The following FBXW2 variants were observed in gnomAD, a reference collection of about 807,000 sequenced individuals.
The protein encoded by FBXW2 is F-box/WD repeat-containing protein 2.
Under a neutral mutation model 46.0 loss-of-function variants are expected in FBXW2, and 12 were observed. That is an observed-to-expected ratio of 0.26 (90% CI 0.17 to 0.42). The LOEUF is 0.42. Among genes scored for constraint, FBXW2 ranks in the 10% least tolerant of loss-of-function variants. The pLI is 1.00. For missense variants in FBXW2, 360 were observed against 537.0 expected (o/e 0.67, Z 3.26); for synonymous variants, 203 against 209.6 (o/e 0.97, Z 0.27).
intron 5 of FBXW2, 98 bp downstream of exon 5, chr9:120,775,995 T>G: frequency 6.9e-7 from 1 of 1,447,284 alleles, no homozygotes; most frequent in Non-Finnish European, 9.4e-7. Flanking sequence ...CAATTCCATC[T>G]TATGACTCAC....
At position 120,778,823 on chromosome 9, in the gene FBXW2, T is replaced by C. The variant is rs540141449; in HGVS notation, c.491-278A>G. ...AGGTCATTAGACTAAAAGCATCCCT[T>C]GGTGCTTCCACTTGAAAAATTTCAT... is the stretch of plus-strand genomic sequence containing the variant. On this transcript the variant is annotated intron_variant, in intron 3 of 7. Transcript: ENST00000608872. 1.0e-3 allele frequency among the ~76,000 whole-genome samples: 154 copies of C among 152,318 alleles called. 2 individuals carry two copies. Among genetic ancestry groups the C allele is most frequent in the Non-Finnish European group, 1.9e-3 (131 of 68,020 alleles).
rs1353021737 is a variant in FBXW2, at chr9:120,764,257, A to G, written c.*302T>C. ...ATGGATCATTTAACTTTCTTTACTT[A>G]AAACCAATACTCCACTCAAGAAAGA... On this transcript the variant is annotated 3_prime_UTR_variant, in exon 8 of 8. Transcript: ENST00000608872. The G allele has an allele frequency of 2.4e-6, 1 of 409,364 alleles. No individual in the cohort carries two copies. Among genetic ancestry groups the G allele is most frequent in the African/African-American group, 2.0e-5 (1 of 49,512 alleles). 25.4% of individuals were successfully genotyped at this position (409,364 alleles called of 1,614,324 possible).
intron 7 of FBXW2, among the ~76,000 whole-genome samples, chr9:120,768,409 TCTG>T (rs2044312673): frequency 6.6e-6 from 1 of 152,236 alleles, no homozygotes; most frequent in South Asian, 2.1e-4. Context: ...GGTAAGTACT[TCTG>T]CTGTTTCCCA....
At chr9:120,776,044 C>G in intron 5 of FBXW2, 49 bp downstream of exon 5, 1 of 1,605,852 alleles carries the variant, frequency 6.2e-7, no homozygotes, top group Non-Finnish European at 8.5e-7. Flanking sequence ...CCTCCACGCC[C>G]TCCCTCAAAA....
Position 120,778,362 on chromosome 9 carries a change from T to A in FBXW2, c.674A>T (p.His225Leu). ...SGARTQHFRG[H>L]TGAVFSVDYN... ...AAAGGGCAACCCACCCGCCCCCGTG[T>A]GCCCCCGAAAGTGCTGGGTCCTGGC... The change falls in exon 4 of 8, where the codon CAC becomes CTC. Residue 225 changes from histidine (H) to leucine (L), a missense_variant. Physicochemically the swap from His to Leu is moderately conservative, Grantham distance 99. Transcript: ENST00000608872. The A allele has an allele frequency of 6.2e-7, 1 of 1,612,814 alleles. No individual in the cohort carries two copies. Among genetic ancestry groups the A allele is most frequent in the Non-Finnish European group, 8.5e-7 (1 of 1,179,812 alleles).
At chr9:120,764,925 T>TA in intron 7 of FBXW2, 78 bp from the exon 8 acceptor site, 1 of 1,170,618 alleles carries the variant, frequency 8.5e-7, no homozygotes, top group Non-Finnish European at 1.2e-6. Context: ...TTTCTGGAGA[T>TA]ATTTAAAACC....
rs181923382 is a variant in FBXW2, at chr9:120,757,014, T to A, written c.*7545A>T. 6.6e-6 allele frequency: 1 copy of A among 152,360 alleles called. No homozygotes were observed. Among genetic ancestry groups the A allele is most frequent in the East Asian group, 1.9e-4 (1 of 5,190 alleles). 9.4% of individuals were successfully genotyped at this position (152,360 alleles called of 1,614,324 possible). A position where few individuals can be genotyped will look rare whatever the true frequency, so the allele number is the denominator to read the frequency against. On this transcript the variant is annotated 3_prime_UTR_variant, in exon 8 of 8. Transcript: ENST00000608872. ...ATTTCTAAATCAGTGATAATTAGAT[T>A]AGTGAAATTTTATTTATAGCCATAA... is the stretch of plus-strand genomic sequence containing the variant.
intron 7 of FBXW2, among the ~76,000 whole-genome samples, chr9:120,765,254 C>G (rs1050961063): frequency 8.5e-5 from 13 of 152,088 alleles, no homozygotes; most frequent in African/African-American, 2.9e-4. Context: ...GCCACTGCAC[C>G]TGGCTAATTT....
chr9:120,770,959 T>G (rs1196057649), intron 7 of FBXW2, among the ~76,000 whole-genome samples: 1 of 152,232 alleles, frequency 6.6e-6, no homozygotes, highest in Non-Finnish European at 1.5e-5. Flanking sequence ...TAGATACCAC[T>G]AAAGTTTACC....
rs1399542004 is a variant in FBXW2, at chr9:120,778,618, GGT to G, written c.491-75_491-74del. 183 of 1,324,422 alleles carry G rather than the reference GGT, an allele frequency of 1.4e-4. 2 individuals carry two copies. The Middle Eastern group carries it at 1.9e-3, about 14-fold the overall frequency. 82.0% of individuals were successfully genotyped at this position (1,324,422 alleles called of 1,614,324 possible). A position where few individuals can be genotyped will look rare whatever the true frequency, so the allele number is the denominator to read the frequency against. The stretch of plus-strand genomic sequence containing the variant: ...GAAGGAAAATCAATCCCAAAATCAT[GGT>G]GTTCTTCAAGAACATTAACGGTCCC... On this transcript the variant is annotated intron_variant, in intron 3 of 7. Transcript: ENST00000608872.
rs16910130 is a variant in FBXW2 at position 120,770,451 on chromosome 9, C to T, written c.1076+897G>A. Among the ~76,000 whole-genome samples the T allele has an allele frequency of 7.8e-3, 1,179 of 151,500 alleles. 19 individuals are homozygous for T. Among genetic ancestry groups the T allele is most frequent in the African/African-American group, 0.027 (1,117 of 41,284 alleles). ...CCAAGTCCTGAACCATGCTATGGGA[C>T]GCTAACTTTTTGAGTTGTTATTAAT... On this transcript the variant is annotated intron_variant, in intron 7 of 7. Coordinates refer to ENST00000608872, the MANE Select transcript of FBXW2 (RefSeq NM_012164.4).
intron 2 of FBXW2, chr9:120,792,387 A>C (rs2044864796): frequency 6.6e-6 from 1 of 152,344 alleles, no homozygotes; most frequent in East Asian, 1.9e-4. Flanking sequence ...AAATGTATAC[A>C]CACCTATAAA....
intron 7 of FBXW2, among the ~76,000 whole-genome samples, chr9:120,765,152 G>A (rs186852762): frequency 9.9e-5 from 15 of 151,484 alleles, no homozygotes; most frequent in African/African-American, 3.4e-4. Flanking sequence ...TGGAGTACAG[G>A]GGCGTGATCT....
chr9:120,772,060 G>GAACA (rs2044387537), intron 6 of FBXW2, among the ~76,000 whole-genome samples: 2 of 51,302 alleles, frequency 3.9e-5, no homozygotes, highest in Middle Eastern at 0.011. Context: ...CCCTGTCTCA[G>GAACA]AAAAAAAAAA....
At chr9:120,777,432 A>C (rs1255351667) in intron 4 of FBXW2, among the ~76,000 whole-genome samples, 1 of 152,242 alleles carries the variant, frequency 6.6e-6, no homozygotes, top group Non-Finnish European at 1.5e-5. Context: ...CACATGGGTG[A>C]ACAAGACAGA....
At chr9:120,792,306 T>C (rs897404510) in intron 2 of FBXW2, 1 of 152,196 alleles carries the variant, frequency 6.6e-6, no homozygotes, top group Non-Finnish European at 1.5e-5. Flanking sequence ...AGCAACATAA[T>C]TGTTAGTGGT....
chr9:120,774,983 T>A (rs1319276453), intron 5 of FBXW2, among the ~76,000 whole-genome samples: 2 of 152,192 alleles, frequency 1.3e-5, no homozygotes, highest in East Asian at 1.9e-4. Flanking sequence ...CAGCTACTCT[T>A]TCCACAGCTA....
In FBXW2 at chr9:120,781,041, A is replaced by C. The variant is rs566036800; in HGVS notation, c.491-2496T>G. On this transcript the variant is annotated intron_variant, in intron 3 of 7. Transcript: ENST00000608872. ...TTCAAGAAAGAATATCATGGCAAAA[A>C]AAAAAAAACCTTTAAGTTTTAACTA... Among the ~76,000 whole-genome samples the C allele has an allele frequency of 1.0e-3, 158 of 152,274 alleles. 2 individuals are homozygous for C. Among genetic ancestry groups the C allele is most frequent in the Non-Finnish European group, 1.9e-3 (132 of 68,016 alleles).
intron 3 of FBXW2, among the ~76,000 whole-genome samples, chr9:120,783,405 A>C (rs1460555654): frequency 6.6e-6 from 1 of 152,192 alleles, no homozygotes; most frequent in African/African-American, 2.4e-5. Flanking sequence ...GGACTCTCAC[A>C]CTGCACGAAA....
Sources: gnomAD v4.1 joint callset for allele counts (sites outside exome capture counted in the v4.1 genomes callset) on GRCh38, gnomAD v4.1.1 for gene constraint, MANE v1.5 for transcripts, NCBI Gene and HGNC (gene_info 2026-07-23, HGNC 2026-07-21) for gene names.